The following WDR37 variants were observed in gnomAD, a reference collection of about 807,000 sequenced individuals.
The protein encoded by WDR37 is WD repeat-containing protein 37.
A neutral mutation model predicts 62.9 loss-of-function variants in WDR37; 19 were observed. The ratio of observed to expected loss-of-function variants is 0.30; its 90% CI spans 0.21 to 0.44. The LOEUF (loss-of-function observed/expected upper bound fraction) is 0.44, where lower values mean the gene tolerates loss of function less well. Among genes scored for constraint, WDR37 ranks in the 20% least tolerant of loss-of-function variants. The pLI is 1.00. For missense variants in WDR37, 474 were observed against 657.6 expected, an observed-to-expected ratio of 0.72 and a Z score of 3.05; for synonymous variants, 250 against 260.9, an observed-to-expected ratio of 0.96 and a Z score of 0.40.
In WDR37 at chr10:1,129,399, C is replaced by G; in HGVS notation, c.*55C>G. 1 of 1,603,516 alleles carries G rather than the reference C, an allele frequency of 6.2e-7. No individual in the cohort carries two copies. Among genetic ancestry groups the G allele is most frequent in the East Asian group, 2.2e-5 (1 of 44,570 alleles). ...TGCCAGCACAGACCTTTGATGGGTG[C>G]AGGCTTTTCTGCGTATTAATCAGCC... On this transcript the variant is annotated 3_prime_UTR_variant, in exon 14 of 14. Coordinates refer to ENST00000263150, the MANE Select transcript of WDR37 (RefSeq NM_014023.4).
chr10:1,084,378 A>C, intron 5 of WDR37, 25 bp from the exon 6 acceptor site: 1 of 1,599,072 alleles, frequency 6.3e-7, no homozygotes, highest in Non-Finnish European at 8.6e-7. Flanking sequence ...AAATTGTTTC[A>C]CAAGACTCCC....
chr10:1,120,905 G>A (rs929537947), intron 11 of WDR37, among the ~76,000 whole-genome samples: 4 of 152,238 alleles, frequency 2.6e-5, no homozygotes, highest in African/African-American at 4.8e-5. Flanking sequence ...CCAGCTTCGC[G>A]GCGTTTCCGC....
At position 1,124,324 on chromosome 10, in the gene WDR37, A is replaced by C. The variant is rs748274118; in HGVS notation, c.1210A>C (p.Thr404Pro). 6.2e-7 allele frequency: 1 copy of C among 1,614,048 alleles called. No individual in the cohort carries two copies. Residue 404 changes from threonine (T) to proline (P), a missense_variant, in exon 12 of 14, where the codon ACT (threonine) becomes CCT (proline). Transcript: ENST00000263150. The stretch of plus-strand genomic sequence containing the variant: ...GAAAAATATGAGATCCCCCATTGCA[A>C]CTATTCGCACGGACTCTGCCATTAA... ...DLKNMRSPIA[T>P]IRTDSAINRI...
At position 1,130,349 on chromosome 10, in the gene WDR37, G is replaced by A. The variant is rs1406995033; in HGVS notation, c.*1005G>A. ...TGGAATACTGAGTTCAGTTCAGAAG[G>A]CAGGAAAGACAGTCACACCGACGTG... On this transcript the variant is annotated 3_prime_UTR_variant, in exon 14 of 14. Coordinates refer to ENST00000263150, the MANE Select transcript of WDR37 (RefSeq NM_014023.4). The A allele has an allele frequency of 2.6e-5, 4 of 152,660 alleles. No homozygotes were observed. Among genetic ancestry groups the A allele is most frequent in the Admixed American group, 1.3e-4 (2 of 15,290 alleles). The allele number at this position is 152,660 out of a possible 1,614,324, so 9.5% of individuals were successfully genotyped here.
At position 1,089,650 on chromosome 10, in the gene WDR37, CG is replaced by C. The variant is rs1564503203; in HGVS notation, c.604+3294del. Among the ~76,000 whole-genome samples the C allele has an allele frequency of 1.0e-4, 3 of 30,064 alleles. No homozygotes were observed. In the East Asian group the frequency reaches 2.5e-3, roughly 25 times the overall value. The allele number at this position is 30,064 out of a possible 152,430, so 19.7% of individuals were successfully genotyped here. A position where few individuals can be genotyped will look rare whatever the true frequency, so the allele number is the denominator to read the frequency against. ...ATGCTCACCCACAATTCAGCCTTCC[CG>C]TGCTCACCCGCAGTTCGGCCTTCCC... is the stretch of plus-strand genomic sequence containing the variant. On this transcript the variant is annotated intron_variant, in intron 7 of 13. Coordinates refer to ENST00000263150, the MANE Select transcript of WDR37 (RefSeq NM_014023.4).
intron 5 of WDR37, among the ~76,000 whole-genome samples, chr10:1,082,116 C>T (rs534483488): frequency 6.6e-6 from 1 of 152,316 alleles, no homozygotes; most frequent in South Asian, 2.1e-4. Flanking sequence ...AAATATAAGA[C>T]ATCTGAAGAT....
At chr10:1,088,711 A>G (rs1413456510) in intron 7 of WDR37, among the ~76,000 whole-genome samples, 2 of 152,176 alleles carry the variant, frequency 1.3e-5, no homozygotes, top group Admixed American at 6.5e-5. Flanking sequence ...AAAAAAAGAA[A>G]AAGTTTGAAA....
chr10:1,074,591 C>A (rs556200791), intron 2 of WDR37: 28 of 1,193,604 alleles, frequency 2.3e-5, no homozygotes, highest in Admixed American at 1.9e-4. Context: ...GCTCTGCCTT[C>A]CCCCTGCCGT....
intron 1 of WDR37, among the ~76,000 whole-genome samples, chr10:1,066,481 A>G (rs10903360): frequency 0.64 from 97,524 of 152,116 alleles, 31,436 homozygotes; most frequent in South Asian, 0.68. Flanking sequence ...TAAATACTGT[A>G]TTCATAGATT....
At chr10:1,087,482 G>C (rs1441484561) in intron 7 of WDR37, among the ~76,000 whole-genome samples, 1 of 152,202 alleles carries the variant, frequency 6.6e-6, no homozygotes, top group African/African-American at 2.4e-5. Context: ...ATGACTCCTT[G>C]ATCCCTGGGC....
intron 5 of WDR37, 97 bp from the exon 6 acceptor site, chr10:1,084,306 G>T (rs975231375): frequency 1.0e-4 from 149 of 1,453,556 alleles, no homozygotes; most frequent in South Asian, 5.9e-4. Flanking sequence ...TCAGTGATTT[G>T]TGCATTTTCC....
chr10:1,074,448 C>T (rs1450038322), intron 2 of WDR37: 5 of 1,304,328 alleles, frequency 3.8e-6, no homozygotes, highest in East Asian at 5.5e-5. Flanking sequence ...CGCTCGCTCC[C>T]TAGACGGAGC....
At position 1,105,586 on chromosome 10, in the gene WDR37, C is replaced by A. The variant is rs1181876140; in HGVS notation, c.1103+319C>A. Among the ~76,000 whole-genome samples, 1 of 152,142 alleles carries A rather than the reference C, an allele frequency of 6.6e-6. No homozygotes were observed. The highest frequency in any genetic ancestry group is 1.5e-5 in the Non-Finnish European group (1 of 68,034). On this transcript the variant is annotated intron_variant, in intron 11 of 13. Coordinates refer to ENST00000263150, the MANE Select transcript of WDR37 (RefSeq NM_014023.4). The surrounding 1 kb of genome is among the most constrained non-coding windows in gnomAD (Gnocchi z 5.3). Reference sequence around the variant, plus strand: ...CCTGTAGCTGAGCACAGGGGCCGGCCACGCCACCATAGGAGCCGCGGGAGC... The same window carrying A: ...CCTGTAGCTGAGCACAGGGGCCGGCAACGCCACCATAGGAGCCGCGGGAGC...
chr10:1,080,118 C>A lies in WDR37; in HGVS notation c.331+12C>A, dbSNP rs758059338. On this transcript the variant is annotated intron_variant, in intron 4 of 13. Transcript: ENST00000263150. ...ACTCAAAACAAAAGGTAAGGTGAAT[C>A]CCATGAAAGTCTTGTCCTGCAGATT... 2 of 1,613,096 alleles carry A rather than the reference C, an allele frequency of 1.2e-6. No individual in the cohort carries two copies. The highest frequency in any genetic ancestry group is 3.3e-5 in the Admixed American group (2 of 59,964).
intron 9 of WDR37, among the ~76,000 whole-genome samples, chr10:1,101,417 T>C (rs1231978027): frequency 6.6e-6 from 1 of 152,216 alleles, no homozygotes; most frequent in Non-Finnish European, 1.5e-5. Context: ...CTTACAAGGA[T>C]GTCAGTCCTA....
chr10:1,103,584 C>G lies in WDR37; in HGVS notation c.727-18C>G. 1 of 1,610,296 alleles carries G rather than the reference C, an allele frequency of 6.2e-7. No individual in the cohort carries two copies. Among genetic ancestry groups the G allele is most frequent in the Non-Finnish European group, 8.5e-7 (1 of 1,176,944 alleles). On this transcript the variant is annotated intron_variant, in intron 9 of 13. Transcript: ENST00000263150. This position sits in a 1 kb window ranked among gnomAD's most constrained non-coding sequence, Gnocchi z 6.3. The stretch of plus-strand genomic sequence containing the variant: ...TCCAGGAAATGTCTTTCTTTTCTGG[C>G]CTTCCCTTTGGCAGCAGATATCTGG...
chr10:1,100,180 C>T (rs1834744740), intron 9 of WDR37, among the ~76,000 whole-genome samples: 1 of 152,084 alleles, frequency 6.6e-6, no homozygotes, highest in South Asian at 2.1e-4. Context: ...TGGGTGAGTG[C>T]ACTTCTCATA....
At chr10:1,073,795 G>A (rs889987775) in intron 2 of WDR37, among the ~76,000 whole-genome samples, 6 of 152,118 alleles carry the variant, frequency 3.9e-5, no homozygotes, top group African/African-American at 1.2e-4. Flanking sequence ...CCCTCTCTGC[G>A]TGTCTTGTCC....
rs1264087997 is a variant in WDR37, at chr10:1,103,348, T to C, written c.727-254T>C. Among the ~76,000 whole-genome samples, 1 of 152,156 alleles carries C rather than the reference T, an allele frequency of 6.6e-6. No individual in the cohort carries two copies. Among genetic ancestry groups the C allele is most frequent in the Non-Finnish European group, 1.5e-5 (1 of 68,016 alleles). Reference sequence around the variant, plus strand: ...TGCGTGGAAATAAATGGTAGTTCGGTTGACAATGTTGTGGATTCCACTTTT... The same window carrying C: ...TGCGTGGAAATAAATGGTAGTTCGGCTGACAATGTTGTGGATTCCACTTTT... On this transcript the variant is annotated intron_variant, in intron 9 of 13. Coordinates refer to ENST00000263150, the MANE Select transcript of WDR37 (RefSeq NM_014023.4). This position sits in a 1 kb window ranked among gnomAD's most constrained non-coding sequence, Gnocchi z 6.3.
Sources: gnomAD v4.1 joint callset for allele counts (sites outside exome capture counted in the v4.1 genomes callset) on GRCh38, gnomAD v4.1.1 for gene constraint, Gnocchi (gnomAD v3.1) non-coding constraint, MANE v1.5 for transcripts, NCBI Gene and HGNC (gene_info 2026-07-23, HGNC 2026-07-21) for gene names.